ZRANB3: variants seen among roughly 807,000 people sequenced by gnomAD.
ZRANB3 encodes the protein DNA annealing helicase and endonuclease ZRANB3.
In ZRANB3, 125 loss-of-function variants were observed where a neutral mutation model predicts 133.8. The observed-to-expected ratio is 0.93, with a 90% CI of 0.81 to 1.08. The LOEUF is 1.08. ZRANB3 is among the 50% of genes least tolerant of loss of function. ZRANB3 has a pLI of 0.00. For missense variants in ZRANB3, 1,229 were observed against 1,275.5 expected, an observed-to-expected ratio of 0.96 and a Z score of 0.56; for synonymous variants, 387 against 432.7, an observed-to-expected ratio of 0.89 and a Z score of 1.31.
At chr2:135,495,210 AGAGT>A (rs1210399549) in intron 2 of ZRANB3, among the ~76,000 whole-genome samples, 1 of 152,238 alleles carries the variant, frequency 6.6e-6, no homozygotes, top group Non-Finnish European at 1.5e-5. Context: ...CCTACGTGAC[AGAGT>A]GAGATCATGT....
At chr2:135,287,743 T>C (rs1317746799) in intron 8 of ZRANB3, among the ~76,000 whole-genome samples, 1 of 150,890 alleles carries the variant, frequency 6.6e-6, no homozygotes, top group Non-Finnish European at 1.5e-5. Flanking sequence ...TTGGTCACTG[T>C]TAGTGTATAG....
chr2:135,284,397 G>T (rs986096104), intron 8 of ZRANB3, among the ~76,000 whole-genome samples: 3 of 152,148 alleles, frequency 2.0e-5, no homozygotes, highest in African/African-American at 7.2e-5. Flanking sequence ...TATGACTCCT[G>T]GCTTTCAAAC....
intron 6 of ZRANB3, among the ~76,000 whole-genome samples, chr2:135,331,520 G>T (rs1271549092): frequency 6.6e-6 from 1 of 152,136 alleles, no homozygotes; most frequent in African/African-American, 2.4e-5. Context: ...GTGCTAAAAA[G>T]AATGTATATT....
intron 3 of ZRANB3, among the ~76,000 whole-genome samples, chr2:135,362,347 G>A (rs1184125956): frequency 6.6e-6 from 1 of 152,166 alleles, no homozygotes; most frequent in Non-Finnish European, 1.5e-5. Context: ...TCTATGCTTT[G>A]GGAACTGTGC....
intron 2 of ZRANB3, among the ~76,000 whole-genome samples, chr2:135,484,959 C>G (rs1692024301): frequency 6.6e-6 from 1 of 151,840 alleles, no homozygotes; most frequent in Non-Finnish European, 1.5e-5. Context: ...TCACTTGAAC[C>G]TGGGAGGCAG....
At chr2:135,339,195 TCAGGTCAGGAGTTCGA>T (rs1684515213) in intron 6 of ZRANB3, among the ~76,000 whole-genome samples, 1 of 152,072 alleles carries the variant, frequency 6.6e-6, no homozygotes, top group African/African-American at 2.4e-5. Flanking sequence ...GCGGAACACC[TCAGGTCAGGAGTTCGA>T]GAACAGCTTC....
Position 135,199,635 on chromosome 2 carries a change from A to AGAT in ZRANB3, c.*704_*706dup, listed in dbSNP as rs1558822410. The AGAT allele has an allele frequency of 2.0e-5, 3 of 152,216 alleles. No homozygotes were observed. Among genetic ancestry groups the AGAT allele is most frequent in the African/African-American group, 7.2e-5 (3 of 41,430 alleles). The allele number at this position is 152,216 out of a possible 1,614,324, so 9.4% of individuals were successfully genotyped here. On this transcript the variant is annotated 3_prime_UTR_variant, in exon 21 of 21. Coordinates refer to ENST00000264159, the MANE Select transcript of ZRANB3 (RefSeq NM_032143.4). ...CTAGTTTTATTCATTTTTTAAAAAA[A>AGAT]GATCTAAAAAATCAAGCTTAAGTGG...
At chr2:135,498,768 T>C (rs551720210) in intron 2 of ZRANB3, among the ~76,000 whole-genome samples, 13 of 152,326 alleles carry the variant, frequency 8.5e-5, no homozygotes, top group African/African-American at 2.9e-4. Context: ...TGGGAACATC[T>C]ATCTTTTTAC....
intron 8 of ZRANB3, among the ~76,000 whole-genome samples, chr2:135,305,179 T>A (rs4954235): frequency 6.6e-6 from 1 of 152,116 alleles, no homozygotes; most frequent in South Asian, 2.1e-4. Context: ...GGTTTCGCCA[T>A]GTTTGCCAGG....
At chr2:135,366,295 C>G (rs981535375) in intron 3 of ZRANB3, among the ~76,000 whole-genome samples, 8 of 151,432 alleles carry the variant, frequency 5.3e-5, no homozygotes, top group Admixed American at 5.3e-4. Flanking sequence ...AGAAAGGACG[C>G]CTTTGTGAAA....
intron 8 of ZRANB3, 34 bp from the exon 9 acceptor site, chr2:135,275,789 TA>T: frequency 1.4e-6 from 2 of 1,431,450 alleles, no homozygotes; most frequent in Non-Finnish European, 1.9e-6. Flanking sequence ...ATTAGTGTCA[TA>T]AAAATGATTA....
At chr2:135,280,129 G>A (rs1271278649) in intron 8 of ZRANB3, among the ~76,000 whole-genome samples, 1 of 152,174 alleles carries the variant, frequency 6.6e-6, no homozygotes, top group Non-Finnish European at 1.5e-5. Context: ...TCTTGGTAGT[G>A]TCGGTTCAGG....
intron 1 of ZRANB3, among the ~76,000 whole-genome samples, chr2:135,514,710 G>A (rs933229310): frequency 2.0e-5 from 3 of 151,974 alleles, no homozygotes; most frequent in East Asian, 1.9e-4. Context: ...GCATCCTTGT[G>A]TGCCAGCTTT....
chr2:135,209,836 A>G (rs1389061731), intron 17 of ZRANB3, among the ~76,000 whole-genome samples: 1 of 152,240 alleles, frequency 6.6e-6, no homozygotes, highest in African/African-American at 2.4e-5. Flanking sequence ...AAGTTCAATC[A>G]CAATGGAATT....
chr2:135,235,403 T>C (rs961028085), intron 12 of ZRANB3, among the ~76,000 whole-genome samples: 35 of 152,070 alleles, frequency 2.3e-4, no homozygotes, highest in Middle Eastern at 6.8e-3. Flanking sequence ...TTCCAATCAA[T>C]AGAAAAAGAG....
At chr2:135,410,296 C>G (rs1688246268) in intron 2 of ZRANB3, among the ~76,000 whole-genome samples, 2 of 151,982 alleles carry the variant, frequency 1.3e-5, no homozygotes, top group Non-Finnish European at 2.9e-5. Context: ...ACACATAGAC[C>G]AATGGAACAG....
chr2:135,285,361 TGACTTTCCTGCTA>T (rs1681304820), intron 8 of ZRANB3, among the ~76,000 whole-genome samples: 1 of 152,222 alleles, frequency 6.6e-6, no homozygotes, highest in Non-Finnish European at 1.5e-5. Context: ...TGATTATTGC[TGACTTTCCTGCTA>T]ATGAAGAGGA....
At chr2:135,484,326 T>C (rs1269981534) in intron 2 of ZRANB3, among the ~76,000 whole-genome samples, 6 of 152,218 alleles carry the variant, frequency 3.9e-5, no homozygotes, top group South Asian at 2.1e-4. Flanking sequence ...TGTACAATGC[T>C]AAGCCTAATA....
intron 2 of ZRANB3, among the ~76,000 whole-genome samples, chr2:135,406,130 C>T (rs566388490): frequency 9.7e-4 from 148 of 151,948 alleles, no homozygotes; most frequent in East Asian, 1.9e-3. Context: ...TAAAAAATGA[C>T]GAAGGGGATA....
Sources: allele counts gnomAD v4.1 joint callset (sites outside exome capture counted in the v4.1 genomes callset), GRCh38; gene constraint gnomAD v4.1.1; transcripts MANE v1.5; gene names NCBI Gene and HGNC (gene_info 2026-07-23, HGNC 2026-07-21).